Variants in MAP3K21 observed in about 807,000 individuals in gnomAD.
MAP3K21 encodes the protein mitogen-activated protein kinase kinase kinase 21, also known as mitogen-activated protein kinase kinase kinase MLK4.
MAP3K21 carries 63 observed loss-of-function variants against 86.1 expected under a neutral mutation model. The ratio of observed to expected loss-of-function variants is 0.73; its 90% confidence interval spans 0.60 to 0.90. The LOEUF (loss-of-function observed/expected upper bound fraction) is 0.90, where lower values mean the gene tolerates loss of function less well. MAP3K21 is among the 40% of genes least tolerant of loss of function. The pLI, the probability that MAP3K21 is intolerant of heterozygous loss-of-function variation, is 0.00. For synonymous variants in MAP3K21, 558 were observed against 564.8 expected, an observed-to-expected ratio of 0.99 and a Z score of 0.17; for missense variants, 1,220 against 1,367.7, an observed-to-expected ratio of 0.89 and a Z score of 1.70.
At chr1:233,371,148 A>G (rs1663670809) in intron 5 of MAP3K21, among the ~76,000 whole-genome samples, 1 of 152,198 alleles carries the variant, frequency 6.6e-6, no homozygotes, top group Non-Finnish European at 1.5e-5. Flanking sequence ...AAGAGCCAGC[A>G]TTTGTAGAAT....
intron 3 of MAP3K21, among the ~76,000 whole-genome samples, chr1:233,354,528 G>A (rs1484674334): frequency 6.6e-6 from 1 of 152,148 alleles, no homozygotes; most frequent in Non-Finnish European, 1.5e-5. Flanking sequence ...TTAACCCCCT[G>A]AAACATGGTA....
intron 1 of MAP3K21, among the ~76,000 whole-genome samples, chr1:233,336,802 C>T (rs1358142188): frequency 6.6e-6 from 1 of 152,088 alleles, no homozygotes; most frequent in Admixed American, 6.6e-5. Flanking sequence ...TTCTGAGGAC[C>T]AGATTTATGG....
rs140413558 is a variant in MAP3K21, at chr1:233,371,285, G to A, written c.1553-753G>A. On this transcript the variant is annotated intron_variant, in intron 5 of 9. Transcript: ENST00000366624. ...GCTCAGAGCAGTTCCTTACTGGTTT[G>A]AGGTCCATAGCGTGTTATGTTATGA... is the stretch of plus-strand genomic sequence containing the variant. Among the ~76,000 whole-genome samples the A allele has an allele frequency of 7.2e-5, 11 of 152,304 alleles. No homozygotes were observed. In the East Asian group the frequency reaches 2.1e-3, roughly 29 times the overall value.
At chr1:233,344,250 C>CA (rs1198936237) in intron 1 of MAP3K21, among the ~76,000 whole-genome samples, 1 of 152,056 alleles carries the variant, frequency 6.6e-6, no homozygotes, top group Non-Finnish European at 1.5e-5. Context: ...CATATGGAAC[C>CA]AAAAAAGAGC....
At chr1:233,344,525 C>A (rs578144324) in intron 1 of MAP3K21, among the ~76,000 whole-genome samples, 4 of 152,262 alleles carry the variant, frequency 2.6e-5, no homozygotes, top group Admixed American at 2.6e-4. Flanking sequence ...ACTGGCTAGC[C>A]ATATGTAGAA....
rs764497042 is a variant in MAP3K21 at position 233,354,961 on chromosome 1, T to A, written c.1261T>A (p.Trp421Arg). The A allele has an allele frequency of 6.2e-7, 1 of 1,613,988 alleles. No individual in the cohort carries two copies. Among genetic ancestry groups the A allele is most frequent in the South Asian group, 1.1e-5 (1 of 91,074 alleles). Residue 421 changes from tryptophan to arginine, a missense_variant, in exon 4 of 10, where the codon TGG becomes AGG. This residue lies in a region of MAP3K21 where 126 missense variants were observed against 127.7 expected (regional missense o/e 0.99). Transcript: ENST00000366624. ...ATCTTTTCATTCCATGCAAGATGAC[T>A]GGAAACTAGAAATTCAACAAATGTT... ...QESFHSMQDD[W>R]KLEIQQMFDE...
intron 6 of MAP3K21, chr1:233,373,080 G>C (rs952051286): frequency 6.6e-6 from 1 of 151,952 alleles, no homozygotes; most frequent in South Asian, 2.1e-4. Flanking sequence ...TCGGACACCA[G>C]GATCCCCACA....
chr1:233,378,889 G>T, intron 8 of MAP3K21, 42 bp from the exon 9 acceptor site: 1 of 1,371,162 alleles, frequency 7.3e-7, no homozygotes, highest in Non-Finnish European at 1.0e-6. Context: ...GACTTTTGCT[G>T]TAAAATGATA....
intron 9 of MAP3K21, among the ~76,000 whole-genome samples, chr1:233,381,597 G>T (rs1269550378): frequency 6.6e-6 from 1 of 151,354 alleles, no homozygotes; most frequent in African/African-American, 2.4e-5. Flanking sequence ...CTATATTATT[G>T]TTCATTGCCT....
Position 233,339,470 on chromosome 1 carries a change from CCTTCTT to C in MAP3K21, c.806-6959_806-6954del, listed in dbSNP as rs141155520. Among the ~76,000 whole-genome samples the C allele has an allele frequency of 9.2e-5, 12 of 130,490 alleles. 1 individual carries two copies. The highest frequency in any genetic ancestry group is 4.5e-4 in the East Asian group (2 of 4,424). 85.6% of individuals were successfully genotyped at this position (130,490 alleles called of 152,430 possible). A position where few individuals can be genotyped will look rare whatever the true frequency, so the allele number is the denominator to read the frequency against. On this transcript the variant is annotated intron_variant, in intron 1 of 9. Transcript: ENST00000366624. ...TCCTCCTCCTTCTCCTCCTCCTTCTCCTTCTTCTTCTTCTTCTTTTTTTTTTTTGAG... is the reference window on the plus strand; with the variant it reads ...TCCTCCTCCTTCTCCTCCTCCTTCTCCTTCTTCTTCTTTTTTTTTTTTGAG...
Position 233,379,397 on chromosome 1 carries a change from T to G in MAP3K21, c.2391T>G (p.Ser797Arg). 5 of 1,614,236 alleles carry G rather than the reference T, an allele frequency of 3.1e-6. No homozygotes were observed. Among genetic ancestry groups the G allele is most frequent in the Non-Finnish European group, 4.2e-6 (5 of 1,180,048 alleles). Residue 797 changes from serine (S) to arginine (R), a missense_variant, in exon 9 of 10, where the codon AGT becomes AGG. Around this residue, in one of 5 missense-constraint regions of MAP3K21, gnomAD observed 632 missense variants for 691.3 expected, o/e 0.91. Transcript: ENST00000366624. Reference protein sequence around the residue: ...ASSPPSLPLSSALGILSTPSF... With the variant: ...ASSPPSLPLSRALGILSTPSF... ...GCCCACCCTCCCTGCCACTGTCAAG[T>G]GCCCTGGGCATCCTCTCCACACCTT... is the stretch of plus-strand genomic sequence containing the variant.
At position 233,327,965 on chromosome 1, in the gene MAP3K21, G is replaced by A. The variant is rs1169037846; in HGVS notation, c.-64G>A. On this transcript the variant is annotated 5_prime_UTR_variant, in exon 1 of 10. Coordinates refer to ENST00000366624, the MANE Select transcript of MAP3K21 (RefSeq NM_032435.3). ...ACGGCCACACCGCCGGACGATGCGCGCCCGCGGCCGCCCGGGAGGCTGAGC... is the reference window on the plus strand; with the variant it reads ...ACGGCCACACCGCCGGACGATGCGCACCCGCGGCCGCCCGGGAGGCTGAGC... The A allele has an allele frequency of 4.1e-6, 5 of 1,217,272 alleles. No homozygotes were observed. Among genetic ancestry groups the A allele is most frequent in the Non-Finnish European group, 5.1e-6 (5 of 976,328 alleles). The allele number at this position is 1,217,272 out of a possible 1,614,324, so 75.4% of individuals were successfully genotyped here. A position where few individuals can be genotyped will look rare whatever the true frequency, so the allele number is the denominator to read the frequency against.
chr1:233,346,354 G>A (rs1663139064), intron 1 of MAP3K21, 88 bp from the exon 2 acceptor site: 2 of 987,992 alleles, frequency 2.0e-6, no homozygotes, highest in South Asian at 1.6e-5. Flanking sequence ...GCCAACTACA[G>A]TGAAGATTGT....
chr1:233,374,705 A>G (rs2102766025), intron 6 of MAP3K21, among the ~76,000 whole-genome samples: 1 of 147,946 alleles, frequency 6.8e-6, no homozygotes, highest in Non-Finnish European at 1.5e-5. Context: ...CTGTGTATGT[A>G]TGTGTGTATA....
At chr1:233,367,219 A>G (rs1468601923) in intron 5 of MAP3K21, among the ~76,000 whole-genome samples, 2 of 152,238 alleles carry the variant, frequency 1.3e-5, no homozygotes, top group Non-Finnish European at 2.9e-5. Flanking sequence ...CCTCACAGGT[A>G]TGCGAGTGAG....
In MAP3K21 at chr1:233,362,327, TTG is replaced by T. The variant is rs752453090; in HGVS notation, c.1552+40_1552+41del. On this transcript the variant is annotated intron_variant, in intron 5 of 9. Coordinates refer to ENST00000366624, the MANE Select transcript of MAP3K21 (RefSeq NM_032435.3). ...TTGTTTTTATGTTTTTGAAAGATTTTTGTGTGTCCTCCTTTTAATCAGTTTTC... is the reference window on the plus strand; with the variant it reads ...TTGTTTTTATGTTTTTGAAAGATTTTTGTGTCCTCCTTTTAATCAGTTTTC... 2.5e-6 allele frequency: 4 copies of T among 1,606,154 alleles called. No homozygotes were observed. The African/African-American group carries it at 4.0e-5, about 16-fold the overall frequency.
chr1:233,368,973 G>C (rs1278077193), intron 5 of MAP3K21, among the ~76,000 whole-genome samples: 1 of 152,196 alleles, frequency 6.6e-6, no homozygotes, highest in Non-Finnish European at 1.5e-5. Flanking sequence ...GTGCCAGTCT[G>C]AAGTCATGGA....
chr1:233,328,459 A>C lies in MAP3K21; in HGVS notation c.431A>C (p.Gln144Pro), dbSNP rs1454566276. 1 of 1,493,936 alleles carries C rather than the reference A, an allele frequency of 6.7e-7. No individual in the cohort carries two copies. The highest frequency in any genetic ancestry group is 8.8e-7 in the Non-Finnish European group (1 of 1,132,232). 92.5% of individuals were successfully genotyped at this position (1,493,936 alleles called of 1,614,324 possible). A position where few individuals can be genotyped will look rare whatever the true frequency, so the allele number is the denominator to read the frequency against. The part of the protein sequence containing the change: ...GFGQVYRATW[Q>P]GQEVAVKAAR... ...GGGCAGGTGTACCGCGCCACCTGGC[A>C]GGGCCAGGAGGTGGCCGTGAAGGCG... is the stretch of plus-strand genomic sequence containing the variant. The change falls in exon 1 of 10, where the codon CAG becomes CCG. Residue 144 changes from glutamine (Q) to proline (P), a missense_variant. Around this residue, in one of 5 missense-constraint regions of MAP3K21, gnomAD observed 369 missense variants for 385.3 expected, o/e 0.96. Transcript: ENST00000366624. This position sits in a 1 kb window ranked among gnomAD's most constrained non-coding sequence, Gnocchi z 8.7.
chr1:233,362,259 G>A lies in MAP3K21; in HGVS notation c.1518G>A (p.Lys506=). The change falls in exon 5 of 10, where the codon AAG becomes AAA. Residue 506 remains lysine, a synonymous_variant. Transcript: ENST00000366624. ...RKGKFKRSRL[K]LKDGHRISLP... ...GCAAGTTTAAGAGAAGTCGTTTAAA[G>A]CTCAAAGATGGACATCGAATCAGTT... 2 of 1,614,220 alleles carry A rather than the reference G, an allele frequency of 1.2e-6. No homozygotes were observed. Among genetic ancestry groups the A allele is most frequent in the African/African-American group, 1.3e-5 (1 of 75,062 alleles).
Sources: allele counts gnomAD v4.1 joint callset (sites outside exome capture counted in the v4.1 genomes callset), GRCh38; gene constraint gnomAD v4.1.1; regional missense constraint gnomAD v4.1.1; non-coding constraint Gnocchi (gnomAD v3.1); transcripts MANE v1.5; gene names NCBI Gene and HGNC (gene_info 2026-07-23, HGNC 2026-07-21).